Variants in BCL11A observed in about 807,000 individuals in gnomAD.
BCL11A encodes BCL11 transcription factor A.
Under a neutral mutation model 55.9 loss-of-function variants are expected in BCL11A, and 2 were observed. The ratio of observed to expected loss-of-function variants is 0.04; its 90% CI spans 0.01 to 0.11. BCL11A has a LOEUF of 0.11. Ranked by LOEUF, BCL11A falls within the 10% of genes least tolerant of loss-of-function variation. The probability of loss-of-function intolerance (pLI) is 1.00; values close to 1 mark genes in which losing one functional copy is unlikely to be tolerated. For synonymous variants in BCL11A, 465 were observed against 473.4 expected (o/e 0.98, Z 0.23); for missense variants, 817 against 1,137.1 (o/e 0.72, Z 4.05).
intron 2 of BCL11A, chr2:60,527,967 C>T (rs1038459635): frequency 6.6e-6 from 1 of 152,228 alleles, no homozygotes; most frequent in African/African-American, 2.4e-5. Flanking sequence ...AAACTTGCCT[C>T]TGGGGAAGCC....
intron 2 of BCL11A, among the ~76,000 whole-genome samples, chr2:60,486,204 T>C (rs1306192405): frequency 6.6e-6 from 1 of 152,020 alleles, no homozygotes; most frequent in African/African-American, 2.4e-5. Context: ...GATTTCAGGG[T>C]CCTTGTTCTG....
At chr2:60,543,534 G>A (rs892267996) in intron 2 of BCL11A, 1 of 152,216 alleles carries the variant, frequency 6.6e-6, no homozygotes, top group East Asian at 1.9e-4. Flanking sequence ...CTTCGCTTCA[G>A]GGGCACCTGA....
At chr2:60,470,258 C>T (rs1677123416) in intron 2 of BCL11A, among the ~76,000 whole-genome samples, 2 of 152,132 alleles carry the variant, frequency 1.3e-5, no homozygotes, top group South Asian at 4.1e-4. Flanking sequence ...ACAAAATAAA[C>T]ACCACAAAGT....
At chr2:60,491,774 C>G (rs113545585) in intron 2 of BCL11A, among the ~76,000 whole-genome samples, 1 of 152,190 alleles carries the variant, frequency 6.6e-6, no homozygotes, top group African/African-American at 2.4e-5. Flanking sequence ...GGCATCATCA[C>G]TCCGTGTTGA....
rs79276518 is a variant in BCL11A, at chr2:60,477,958, CT to C, written c.386-9126del. ...CATCTGTCCTGGCCTTTATGGAAAG[CT>C]TTTTTTTTTTTTTTTTTAATTGAGA... On this transcript the variant is annotated intron_variant, in intron 2 of 3. Coordinates refer to ENST00000642384, the MANE Select transcript of BCL11A (RefSeq NM_022893.4). Among the ~76,000 whole-genome samples the C allele has an allele frequency of 8.5e-3, 1,176 of 138,268 alleles. 2 individuals are homozygous for C. The highest frequency in any genetic ancestry group is 0.011 in the Middle Eastern group (3 of 268). The allele number at this position is 138,268 out of a possible 152,430, so 90.7% of individuals were successfully genotyped here. A position where few individuals can be genotyped will look rare whatever the true frequency, so the allele number is the denominator to read the frequency against.
At chr2:60,471,253 A>G (rs1227754217) in intron 2 of BCL11A, among the ~76,000 whole-genome samples, 1 of 152,226 alleles carries the variant, frequency 6.6e-6, no homozygotes, top group Non-Finnish European at 1.5e-5. Flanking sequence ...CTGCAGAATT[A>G]GACAGCTAAA....
chr2:60,553,282 GGGCGGGCGGC>G lies in BCL11A; in HGVS notation c.-22_-13del. 6.4e-7 allele frequency: 1 copy of G among 1,573,956 alleles called. No homozygotes were observed. The highest frequency in any genetic ancestry group is 8.6e-7 in the Non-Finnish European group (1 of 1,167,216). On this transcript the variant is annotated 5_prime_UTR_variant, in exon 1 of 4. Transcript: ENST00000642384. ...TTGCGGCGAGACATGGTGGGCTGCG[GGGCGGGCGGC>G]GGCGGCGGCGGCGGCGGCGGCGGGC...
chr2:60,514,285 C>T (rs565800648), intron 2 of BCL11A, among the ~76,000 whole-genome samples: 127 of 152,302 alleles, frequency 8.3e-4, no homozygotes, highest in African/African-American at 2.3e-3. Flanking sequence ...CTGGTGGGAT[C>T]GCAGTGCTGA....
At chr2:60,500,520 G>GA (rs1189344170) in intron 2 of BCL11A, among the ~76,000 whole-genome samples, 7 of 152,148 alleles carry the variant, frequency 4.6e-5, no homozygotes, top group Admixed American at 1.3e-4. Flanking sequence ...GAGCCCCTGA[G>GA]AAAAAATGGC....
intron 2 of BCL11A, among the ~76,000 whole-genome samples, chr2:60,489,682 G>C (rs1467242735): frequency 6.6e-6 from 1 of 152,202 alleles, no homozygotes; most frequent in Non-Finnish European, 1.5e-5. Context: ...TAGCATCTCT[G>C]CTTTCCTTGT....
At chr2:60,467,206 G>A (rs539276447) in intron 3 of BCL11A, among the ~76,000 whole-genome samples, 20 of 126,506 alleles carry the variant, frequency 1.6e-4, no homozygotes, top group African/African-American at 4.9e-4. Flanking sequence ...TGGTGATGGC[G>A]GTGATGGTAC....
At chr2:60,517,498 C>T (rs140538890) in intron 2 of BCL11A, among the ~76,000 whole-genome samples, 503 of 152,332 alleles carry the variant, frequency 3.3e-3, no homozygotes, top group Non-Finnish European at 4.9e-3. Flanking sequence ...ACCATGGGCT[C>T]CCCAGGTTAG....
chr2:60,503,064 G>A (rs749850084), intron 2 of BCL11A, among the ~76,000 whole-genome samples: 1 of 152,216 alleles, frequency 6.6e-6, no homozygotes, highest in South Asian at 2.1e-4. Flanking sequence ...AATACACACG[G>A]AATGTGTTGA....
intron 2 of BCL11A, among the ~76,000 whole-genome samples, chr2:60,540,007 T>A (rs944321004): frequency 2.6e-5 from 4 of 152,202 alleles, no homozygotes; most frequent in Non-Finnish European, 5.9e-5. Flanking sequence ...AAAATAGTAG[T>A]CATTATCCAT....
intron 2 of BCL11A, among the ~76,000 whole-genome samples, chr2:60,539,193 G>A (rs191717087): frequency 2.0e-5 from 3 of 152,336 alleles, no homozygotes; most frequent in Non-Finnish European, 2.9e-5. Context: ...TTATTATGGT[G>A]TGGTGGTGGA....
intron 2 of BCL11A, chr2:60,478,305 C>G (rs1235162374): frequency 3.3e-5 from 5 of 152,300 alleles, no homozygotes. Flanking sequence ...CAGAAGTGTC[C>G]TGCTGTGGAC....
At position 60,549,681 on chromosome 2, in the gene BCL11A, T is replaced by TCCAGCTCGG. The variant is rs796693541; in HGVS notation, c.56-3390_56-3382dup. The TCCAGCTCGG allele has an allele frequency of 3.4e-4, 51 of 152,226 alleles. 1 individual carries two copies. Among genetic ancestry groups the TCCAGCTCGG allele is most frequent in the African/African-American group, 1.2e-3 (50 of 41,528 alleles). The allele number at this position is 152,226 out of a possible 1,614,324, so 9.4% of individuals were successfully genotyped here. ...GCCCTGACTGCTGCCTCCATGCCCG[T>TCCAGCTCGG]CCAGCTCGGCCAGCTCGGCCGCGGG... On this transcript the variant is annotated intron_variant, in intron 1 of 3. Transcript: ENST00000642384.
At chr2:60,481,038 C>T (rs938810845) in intron 2 of BCL11A, among the ~76,000 whole-genome samples, 5 of 152,210 alleles carry the variant, frequency 3.3e-5, no homozygotes, top group Non-Finnish European at 5.9e-5. Flanking sequence ...AGCTGCCTCC[C>T]TGCCTCAGAT....
downstream of BCL11A, chr2:60,452,367 T>C (rs1022106879): frequency 1.4e-5 from 7 of 507,506 alleles, no homozygotes; most frequent in Non-Finnish European, 2.5e-5. Context: ...AATGTGGGTC[T>C]GTTTTTTTGT....
Sources: gnomAD v4.1 joint callset for allele counts (sites outside exome capture counted in the v4.1 genomes callset) on GRCh38, gnomAD v4.1.1 for gene constraint, MANE v1.5 for transcripts, NCBI Gene and HGNC (gene_info 2026-07-23, HGNC 2026-07-21) for gene names.